ROBO2: variants seen among roughly 807,000 people sequenced by gnomAD.
The protein encoded by ROBO2 is roundabout homolog 2.
A neutral mutation model predicts 160.8 loss-of-function variants in ROBO2; 53 were observed. The observed-to-expected ratio is 0.33, with a 90% CI of 0.26 to 0.41. ROBO2 has a LOEUF of 0.41. ROBO2 is among the 10% of genes least tolerant of loss of function. The probability of loss-of-function intolerance (pLI) is 1.00; values close to 1 mark genes in which losing one functional copy is unlikely to be tolerated. For synonymous variants in ROBO2, 664 were observed against 611.7 expected (o/e 1.09, Z -1.26); for missense variants, 1,577 against 1,722.4 (o/e 0.92, Z 1.49).
intron 5 of ROBO2, among the ~76,000 whole-genome samples, chr3:77,518,473 T>C (rs1281465101): frequency 2.0e-5 from 3 of 151,516 alleles, no homozygotes; most frequent in Admixed American, 6.6e-5. Flanking sequence ...TGTTTTTAAA[T>C]TACAACATCC....
chr3:77,192,290 G>T (rs1357446166), intron 2 of ROBO2, among the ~76,000 whole-genome samples: 1 of 151,990 alleles, frequency 6.6e-6, no homozygotes, highest in African/African-American at 2.4e-5. Context: ...TAAAAAAAGG[G>T]AAAGTACATT....
rs183324138 is a variant in ROBO2 at position 76,884,134 on chromosome 3, G to A, written c.110-213880G>A. ...CATATGCTTTTTTGATAGATGAAAA[G>A]CATCTTAATAGAAGTTAAGTTTAAA... On this transcript the variant is annotated intron_variant, in intron 2 of 26. Transcript: ENST00000487694. Among the ~76,000 whole-genome samples, 11 of 152,204 alleles carry A rather than the reference G, an allele frequency of 7.2e-5. No individual in the cohort carries two copies. The East Asian group carries it at 1.7e-3, about 24-fold the overall frequency.
chr3:77,480,021 A>G (rs2084493081), intron 3 of ROBO2, among the ~76,000 whole-genome samples: 1 of 152,164 alleles, frequency 6.6e-6, no homozygotes, highest in African/African-American at 2.4e-5. Context: ...GGGAAGGAGA[A>G]ATGGCCTTCA....
chr3:77,376,529 T>C (rs1560664231), intron 2 of ROBO2, among the ~76,000 whole-genome samples: 1 of 152,132 alleles, frequency 6.6e-6, no homozygotes, highest in Non-Finnish European at 1.5e-5. Flanking sequence ...AGTTAAAATA[T>C]CACAAGGTAT....
At chr3:77,555,168 C>CT (rs765721996) in intron 8 of ROBO2, among the ~76,000 whole-genome samples, 5 of 151,672 alleles carry the variant, frequency 3.3e-5, no homozygotes, top group Non-Finnish European at 5.9e-5. Flanking sequence ...AAGGTATGAA[C>CT]TTTTTTTTAG....
At chr3:77,354,930 CGAA>C (rs2068850262) in intron 2 of ROBO2, among the ~76,000 whole-genome samples, 1 of 152,130 alleles carries the variant, frequency 6.6e-6, no homozygotes, top group Non-Finnish European at 1.5e-5. Context: ...CTAGAAATAC[CGAA>C]GGTTTCTTTG....
intron 2 of ROBO2, among the ~76,000 whole-genome samples, chr3:76,909,262 T>C (rs1040057164): frequency 6.6e-6 from 1 of 152,172 alleles, no homozygotes; most frequent in African/African-American, 2.4e-5. Context: ...TAGTGATCTA[T>C]TCAAACAGAT....
At chr3:76,820,672 T>C (rs1005273731) in intron 2 of ROBO2, among the ~76,000 whole-genome samples, 1 of 152,006 alleles carries the variant, frequency 6.6e-6, no homozygotes, top group Non-Finnish European at 1.5e-5. Flanking sequence ...TAAAATTCCC[T>C]GCACTAATGT....
At chr3:76,414,399 T>C (rs536185574) in intron 2 of ROBO2, among the ~76,000 whole-genome samples, 47 of 152,230 alleles carry the variant, frequency 3.1e-4, no homozygotes, top group African/African-American at 1.1e-3. Context: ...TCATCTGGAC[T>C]GAATCTTCCA....
At chr3:76,345,271 CTG>C (rs1288292382) in intron 2 of ROBO2, among the ~76,000 whole-genome samples, 1 of 152,052 alleles carries the variant, frequency 6.6e-6, no homozygotes, top group Admixed American at 6.6e-5. Flanking sequence ...GGAAAGGCCT[CTG>C]TGAGGTCCAG....
intron 2 of ROBO2, among the ~76,000 whole-genome samples, chr3:77,442,319 A>C (rs77975032): frequency 7.0e-5 from 10 of 142,342 alleles, no homozygotes; most frequent in Admixed American, 7.0e-4. Flanking sequence ...CTCAAAAAAG[A>C]AAAAAAAAAA....
intron 2 of ROBO2, among the ~76,000 whole-genome samples, chr3:76,357,269 C>T (rs113661912): frequency 0.046 from 6,970 of 151,880 alleles, 411 homozygotes; most frequent in African/African-American, 0.13. Flanking sequence ...ATGTTCTCAC[C>T]TATAAGCAGG....
chr3:77,528,640 C>A (rs1177539614), intron 6 of ROBO2, among the ~76,000 whole-genome samples: 1 of 151,622 alleles, frequency 6.6e-6, no homozygotes, highest in Non-Finnish European at 1.5e-5. Flanking sequence ...CTTATCAAAG[C>A]TGTTGCAGGA....
intron 2 of ROBO2, among the ~76,000 whole-genome samples, chr3:76,303,984 A>C (rs2071197922): frequency 6.6e-6 from 1 of 152,226 alleles, no homozygotes; most frequent in African/African-American, 2.4e-5. Flanking sequence ...AGGAATAAAA[A>C]TATTTAAACT....
intron 2 of ROBO2, among the ~76,000 whole-genome samples, chr3:76,186,603 C>T (rs542687121): frequency 3.0e-4 from 46 of 152,180 alleles, no homozygotes; most frequent in African/African-American, 1.1e-3. Flanking sequence ...TCTTCAGTGT[C>T]ATTTGCCTCC....
chr3:77,057,649 C>A, intron 1 of ROBO2, among the ~76,000 whole-genome samples: 1 of 146,268 alleles, frequency 6.8e-6, no homozygotes, highest in Non-Finnish European at 1.5e-5. Context: ...CGGCTCACTG[C>A]AACCTCTGCC....
chr3:76,327,298 C>T (rs1442466026), intron 2 of ROBO2, among the ~76,000 whole-genome samples: 1 of 151,784 alleles, frequency 6.6e-6, no homozygotes, highest in Non-Finnish European at 1.5e-5. Flanking sequence ...AATAATATAC[C>T]TAAATTGGTA....
intron 2 of ROBO2, among the ~76,000 whole-genome samples, chr3:77,360,189 C>A (rs183512969): frequency 6.6e-6 from 1 of 151,752 alleles, no homozygotes; most frequent in African/African-American, 2.4e-5. Flanking sequence ...TCAGGGCCGG[C>A]GGGGAGTGCT....
chr3:76,963,864 AAG>A (rs1409371120), intron 2 of ROBO2, among the ~76,000 whole-genome samples: 9 of 151,392 alleles, frequency 5.9e-5, no homozygotes, highest in Admixed American at 5.2e-4. Context: ...AAAAAGAAAA[AAG>A]AAATAAAAAG....
Sources: gnomAD v4.1 joint callset for allele counts (sites outside exome capture counted in the v4.1 genomes callset) on GRCh38, gnomAD v4.1.1 for gene constraint, MANE v1.5 for transcripts, NCBI Gene and HGNC (gene_info 2026-07-23, HGNC 2026-07-21) for gene names.